Variants in CNTNAP2 observed in about 807,000 individuals in gnomAD.
CNTNAP2 encodes contactin associated protein 2.
In CNTNAP2, 98 loss-of-function variants were observed where a neutral mutation model predicts 155.2. That is an observed-to-expected ratio of 0.63 (90% CI 0.54 to 0.75). The LOEUF is 0.75. CNTNAP2 is among the 30% of genes least tolerant of loss of function. The pLI is 0.00. For synonymous variants in CNTNAP2, 651 were observed against 631.2 expected (o/e 1.03, Z -0.47); for missense variants, 1,727 against 1,688.1 (o/e 1.02, Z -0.40).
intron 2 of CNTNAP2, 48 bp downstream of exon 2, chr7:146,774,429 C>T: frequency 7.7e-7 from 1 of 1,301,228 alleles, no homozygotes; most frequent in Non-Finnish European, 1.1e-6. Flanking sequence ...TAAATAAGAA[C>T]ATGTTATATT....
intron 1 of CNTNAP2, among the ~76,000 whole-genome samples, chr7:146,331,995 A>G (rs1801195748): frequency 6.6e-6 from 1 of 152,138 alleles, no homozygotes; most frequent in African/African-American, 2.4e-5. Context: ...TTAAATTCTC[A>G]GTTATTTATT....
chr7:146,568,225 C>T (rs1311807563), intron 1 of CNTNAP2, among the ~76,000 whole-genome samples: 1 of 152,164 alleles, frequency 6.6e-6, no homozygotes. Flanking sequence ...TGAAACCACA[C>T]TATGAACAGC....
intron 9 of CNTNAP2, among the ~76,000 whole-genome samples, chr7:147,390,365 A>G (rs1584919284): frequency 6.6e-6 from 1 of 152,184 alleles, no homozygotes; most frequent in Non-Finnish European, 1.5e-5. Flanking sequence ...CAGTGGCTCA[A>G]TGTAGTAATA....
At chr7:148,007,831 A>G (rs1376295263) in intron 15 of CNTNAP2, among the ~76,000 whole-genome samples, 4 of 152,306 alleles carry the variant, frequency 2.6e-5, no homozygotes, top group African/African-American at 7.2e-5. Context: ...TAAAATGTCT[A>G]GGTCTTATGC....
At chr7:146,596,124 A>G (rs116827278) in intron 1 of CNTNAP2, among the ~76,000 whole-genome samples, 181 of 152,180 alleles carry the variant, frequency 1.2e-3, no homozygotes, top group African/African-American at 4.1e-3. Context: ...GCAGACATCT[A>G]TAACTAATAA....
At chr7:146,310,646 G>A (rs1167304819) in intron 1 of CNTNAP2, among the ~76,000 whole-genome samples, 6 of 151,052 alleles carry the variant, frequency 4.0e-5, no homozygotes, top group Admixed American at 4.0e-4. Context: ...ATATATCTTT[G>A]ACTAGTCTTT....
intron 9 of CNTNAP2, among the ~76,000 whole-genome samples, chr7:147,351,598 T>A (rs1795968916): frequency 6.6e-6 from 1 of 151,974 alleles, no homozygotes; most frequent in Middle Eastern, 3.4e-3. Flanking sequence ...CAGTGTTAAA[T>A]ATATATTTGT....
rs552724169 is a variant in CNTNAP2, at chr7:146,635,634, A to G, written c.98-138637A>G. Among the ~76,000 whole-genome samples, 3 of 152,264 alleles carry G rather than the reference A, an allele frequency of 2.0e-5. No homozygotes were observed. The South Asian group carries it at 6.2e-4, about 32-fold the overall frequency. ...CTCTTGGTTAAGCTGCATGGGGTAG[A>G]CTGTAAGAGGCTTTTGTCTGTTCCA... On this transcript the variant is annotated intron_variant, in intron 1 of 23. Transcript: ENST00000361727.
chr7:146,889,337 G>A (rs1795733233), intron 3 of CNTNAP2, among the ~76,000 whole-genome samples: 2 of 152,036 alleles, frequency 1.3e-5, no homozygotes, highest in Admixed American at 1.3e-4. Context: ...CAGAAATATG[G>A]TAGAATACAG....
At chr7:146,521,145 G>T (rs995327404) in intron 1 of CNTNAP2, among the ~76,000 whole-genome samples, 2 of 151,782 alleles carry the variant, frequency 1.3e-5, no homozygotes, top group Admixed American at 6.6e-5. Flanking sequence ...TGTAACAGAG[G>T]TTGCCAAGCC....
chr7:147,720,001 C>T (rs1188331327), intron 13 of CNTNAP2, among the ~76,000 whole-genome samples: 1 of 151,978 alleles, frequency 6.6e-6, no homozygotes, highest in African/African-American at 2.4e-5. Context: ...AAGACAGGCA[C>T]TCCTGTATTC....
At chr7:146,744,189 T>G (rs1359870273) in intron 1 of CNTNAP2, among the ~76,000 whole-genome samples, 1 of 134,096 alleles carries the variant, frequency 7.5e-6, no homozygotes, top group Non-Finnish European at 1.5e-5. Context: ...GATCGCACTA[T>G]TGCACTCCAG....
chr7:146,851,857 A>AT (rs150034598), intron 3 of CNTNAP2, among the ~76,000 whole-genome samples: 4,547 of 151,112 alleles, frequency 0.03, 188 homozygotes, highest in African/African-American at 0.098. Context: ...ATTTTAATTT[A>AT]TTTATTTTTT....
intron 21 of CNTNAP2, among the ~76,000 whole-genome samples, chr7:148,269,058 G>A (rs1033097476): frequency 1.3e-5 from 2 of 152,084 alleles, no homozygotes; most frequent in Non-Finnish European, 2.9e-5. Flanking sequence ...AGGATTCCTG[G>A]GTTTAGAACC....
chr7:146,352,756 T>TTTTTTTTTTTTTTTTTTTTTTTTC (rs1794936245), intron 1 of CNTNAP2, among the ~76,000 whole-genome samples: 1 of 117,762 alleles, frequency 8.5e-6, no homozygotes, highest in Non-Finnish European at 1.7e-5. Context: ...TTCTGTTTTT[T>TTTTTTTTTTTTTTTTTTTTTTTTC]TTTTTTTTTT....
At position 147,562,339 on chromosome 7, in the gene CNTNAP2, T is replaced by TGG. The variant is rs1461365416; in HGVS notation, c.1897+83_1897+84dup. 5.1e-6 allele frequency: 8 copies of TGG among 1,579,656 alleles called. No homozygotes were observed. The African/African-American group carries it at 6.7e-5, about 13-fold the overall frequency. On this transcript the variant is annotated intron_variant, in intron 12 of 23. Coordinates refer to ENST00000361727, the MANE Select transcript of CNTNAP2 (RefSeq NM_014141.6). ...TAGTTCCACCAATGGTTTGTTTCTT[T>TGG]GGTGCTATGTTTTTATCACAACATC...
At position 146,774,044 on chromosome 7, in the gene CNTNAP2, T is replaced by C. The variant is rs113456044; in HGVS notation, c.98-227T>C. Among the ~76,000 whole-genome samples, 147 of 152,290 alleles carry C rather than the reference T, an allele frequency of 9.7e-4. 1 individual carries two copies. Among genetic ancestry groups the C allele is most frequent in the African/African-American group, 3.4e-3 (141 of 41,560 alleles). ...AAGACTGAGGTGAAGTCCTTTGGAG[T>C]AATGTGCTTTGCTATGGTTTTCCAT... On this transcript the variant is annotated intron_variant, in intron 1 of 23. Coordinates refer to ENST00000361727, the MANE Select transcript of CNTNAP2 (RefSeq NM_014141.6).
chr7:146,189,567 T>G (rs1798672718), intron 1 of CNTNAP2, among the ~76,000 whole-genome samples: 2 of 152,182 alleles, frequency 1.3e-5, no homozygotes, highest in Admixed American at 1.3e-4. Flanking sequence ...AGTCTATACA[T>G]ATGCACAAAG....
rs761529459 is a variant in CNTNAP2 at position 148,217,334 on chromosome 7, T to G, written c.3057T>G (p.Phe1019Leu). 1.2e-6 allele frequency: 2 copies of G among 1,614,106 alleles called. No individual in the cohort carries two copies. The highest frequency in any genetic ancestry group is 1.7e-6 in the Non-Finnish European group (2 of 1,180,006). Residue 1019 changes from phenylalanine (F) to leucine (L), a missense_variant, in exon 19 of 24, where the codon TTT (phenylalanine) becomes TTG (leucine). Transcript: ENST00000361727. ...AAGGGATGTGGCTACGATATAACTT[T>G]CAGGCACCAGCAACAAATGCCAGAG... ...FEEGMWLRYNFQAPATNARDS... is the reference protein window; with the variant it reads ...FEEGMWLRYNLQAPATNARDS...
Sources: gnomAD v4.1 joint callset for allele counts (sites outside exome capture counted in the v4.1 genomes callset) on GRCh38, gnomAD v4.1.1 for gene constraint, MANE v1.5 for transcripts, NCBI Gene and HGNC (gene_info 2026-07-23, HGNC 2026-07-21) for gene names.